CCBE1: variants seen among roughly 807,000 people sequenced by gnomAD.
CCBE1 encodes collagen and calcium-binding EGF domain-containing protein 1.
A neutral mutation model predicts 50.0 loss-of-function variants in CCBE1; 37 were observed. The ratio of observed to expected loss-of-function variants is 0.74; its 90% CI spans 0.57 to 0.97. CCBE1 has a LOEUF of 0.97. CCBE1 is among the 50% of genes least tolerant of loss of function. The probability of loss-of-function intolerance (pLI) is 0.00; values close to 1 mark genes in which losing one functional copy is unlikely to be tolerated. For missense variants in CCBE1, 538 were observed against 523.8 expected, an observed-to-expected ratio of 1.03 and a Z score of -0.26; for synonymous variants, 234 against 203.7, an observed-to-expected ratio of 1.15 and a Z score of -1.27.
intron 2 of CCBE1, among the ~76,000 whole-genome samples, chr18:59,650,523 C>T (rs1428305418): frequency 6.6e-6 from 1 of 151,642 alleles, no homozygotes; most frequent in Non-Finnish European, 1.5e-5. Context: ...GCGGGATAAT[C>T]GTTTCAGAGA....
rs2054821455 is a variant in CCBE1, at chr18:59,697,237, T to C, written c.106A>G (p.Arg36Gly). The change falls in exon 1 of 11, where the codon AGA becomes GGA. Residue 36 changes from arginine to glycine, a missense_variant. Transcript: ENST00000439986. ...LLALGHTWTY[R>G]EEPEDGDREI... ...CTGTCGCCGTCCTCCGGCTCCTCTC[T>C]GTAGGTCCACGTGTGTCCCAACGCC... The C allele has an allele frequency of 6.5e-7, 1 of 1,549,188 alleles. No individual in the cohort carries two copies. The highest frequency in any genetic ancestry group is 2.0e-5 in the Admixed American group (1 of 51,004).
chr18:59,433,891 CTTTTTTTTTTTTTTTTT>C lies in CCBE1; in HGVS notation c.*2000_*2016del, dbSNP rs373652074. 3 of 70,064 alleles carry C rather than the reference CTTTTTTTTTTTTTTTTT, an allele frequency of 4.3e-5. No individual in the cohort carries two copies. The highest frequency in any genetic ancestry group is 7.4e-5 in the Non-Finnish European group (3 of 40,544). 4.3% of individuals were successfully genotyped at this position (70,064 alleles called of 1,614,324 possible). ...ACAGGCATGAGCCACCAAGCCCGGCCTTTTTTTTTTTTTTTTTTTTTTTTTAATGAGACAGAGTCTCC... is the reference window on the plus strand; with the variant it reads ...ACAGGCATGAGCCACCAAGCCCGGCCTTTTTTTTAATGAGACAGAGTCTCC... On this transcript the variant is annotated 3_prime_UTR_variant, in exon 11 of 11. Transcript: ENST00000439986.
intron 2 of CCBE1, among the ~76,000 whole-genome samples, chr18:59,549,019 C>T (rs1915816267): frequency 6.7e-6 from 1 of 149,616 alleles, no homozygotes; most frequent in East Asian, 2.0e-4. Flanking sequence ...AGGAGAATCA[C>T]TTGAACCTGG....
At chr18:59,526,241 A>G (rs1373258937) in intron 2 of CCBE1, among the ~76,000 whole-genome samples, 1 of 150,072 alleles carries the variant, frequency 6.7e-6, no homozygotes, top group Non-Finnish European at 1.5e-5. Context: ...GTCTTCTGCT[A>G]GCTTTGGGGT....
chr18:59,622,507 GAAA>G (rs34431958), intron 2 of CCBE1, among the ~76,000 whole-genome samples: 1 of 131,850 alleles, frequency 7.6e-6, no homozygotes. Context: ...TCATCTTAAA[GAAA>G]AAAAAAAAAA....
intron 2 of CCBE1, among the ~76,000 whole-genome samples, chr18:59,689,017 C>T (rs1396383898): frequency 6.6e-6 from 1 of 152,174 alleles, no homozygotes; most frequent in African/African-American, 2.4e-5. Flanking sequence ...ATATCTGGGA[C>T]TTTGGGGGCC....
At chr18:59,608,923 T>A (rs1019892366) in intron 2 of CCBE1, among the ~76,000 whole-genome samples, 4 of 152,238 alleles carry the variant, frequency 2.6e-5, no homozygotes, top group African/African-American at 9.6e-5. Context: ...TCTTTGCTCA[T>A]CCATAATCTG....
intron 2 of CCBE1, among the ~76,000 whole-genome samples, chr18:59,660,399 G>T (rs923983898): frequency 2.0e-5 from 3 of 151,956 alleles, no homozygotes; most frequent in Non-Finnish European, 4.4e-5. Flanking sequence ...GTCTTGCTTA[G>T]CAAGGCAAAA....
intron 2 of CCBE1, among the ~76,000 whole-genome samples, chr18:59,553,417 C>T (rs753710321): frequency 2.0e-5 from 3 of 152,182 alleles, no homozygotes; most frequent in Non-Finnish European, 2.9e-5. Flanking sequence ...ACACACACAA[C>T]CATTGAACTG....
intron 9 of CCBE1, among the ~76,000 whole-genome samples, chr18:59,438,986 C>A (rs1910286321): frequency 6.6e-6 from 1 of 152,010 alleles, no homozygotes; most frequent in African/African-American, 2.4e-5. Flanking sequence ...CCCGTCTCTA[C>A]TAAAAAATCC....
At chr18:59,494,156 C>T (rs1024900976) in intron 2 of CCBE1, among the ~76,000 whole-genome samples, 2 of 152,206 alleles carry the variant, frequency 1.3e-5, no homozygotes, top group African/African-American at 4.8e-5. Context: ...AATGTGTCCT[C>T]TCAGTACAGA....
chr18:59,673,702 T>C (rs951559529), intron 2 of CCBE1, among the ~76,000 whole-genome samples: 1 of 152,180 alleles, frequency 6.6e-6, no homozygotes, highest in African/African-American at 2.4e-5. Flanking sequence ...GAGATAATAA[T>C]GTGGTTTTTG....
At chr18:59,623,536 C>A (rs967648583) in intron 2 of CCBE1, among the ~76,000 whole-genome samples, 1 of 152,200 alleles carries the variant, frequency 6.6e-6, no homozygotes, top group Non-Finnish European at 1.5e-5. Context: ...GGATAGGATG[C>A]CTTCCTGGGT....
intron 2 of CCBE1, among the ~76,000 whole-genome samples, chr18:59,692,354 C>G (rs1290157771): frequency 6.6e-6 from 1 of 152,200 alleles, no homozygotes; most frequent in Non-Finnish European, 1.5e-5. Flanking sequence ...GCTCATTTTA[C>G]AGATGAGAAA....
At chr18:59,565,215 G>A (rs925679038) in intron 2 of CCBE1, among the ~76,000 whole-genome samples, 1 of 118,214 alleles carries the variant, frequency 8.5e-6, no homozygotes, top group African/African-American at 4.5e-5. Context: ...GAGGAGGGAG[G>A]GAGGAAGGGG....
At chr18:59,695,655 A>G (rs1255564961) in intron 2 of CCBE1, among the ~76,000 whole-genome samples, 3 of 152,216 alleles carry the variant, frequency 2.0e-5, no homozygotes, top group Non-Finnish European at 4.4e-5. Context: ...ATTGATTCAC[A>G]GGCTACAACC....
Position 59,504,363 on chromosome 18 carries a change from A to C in CCBE1, c.213-24125T>G, listed in dbSNP as rs190194166. Among the ~76,000 whole-genome samples the C allele has an allele frequency of 2.4e-3, 361 of 149,680 alleles. 1 individual carries two copies. Among genetic ancestry groups the C allele is most frequent in the Non-Finnish European group, 4.2e-3 (285 of 67,754 alleles). Reference sequence around the variant, plus strand: ...AAGATTTACTATTATTGTTAGTAGTATCTGATCCTAGAATGTCTTCCTTTT... The same window carrying C: ...AAGATTTACTATTATTGTTAGTAGTCTCTGATCCTAGAATGTCTTCCTTTT... On this transcript the variant is annotated intron_variant, in intron 2 of 10. Coordinates refer to ENST00000439986, the MANE Select transcript of CCBE1 (RefSeq NM_133459.4).
At chr18:59,552,114 C>T (rs1158393446) in intron 2 of CCBE1, among the ~76,000 whole-genome samples, 1 of 152,196 alleles carries the variant, frequency 6.6e-6, no homozygotes, top group Admixed American at 6.5e-5. Context: ...CTCCATGGGC[C>T]TCTCATCACT....
intron 2 of CCBE1, among the ~76,000 whole-genome samples, chr18:59,691,646 T>C (rs3114276): frequency 0.72 from 109,278 of 151,968 alleles, 39,639 homozygotes; most frequent in Admixed American, 0.79. Context: ...CCTCGTGATC[T>C]GCCTGCCTTG....
Sources: allele counts gnomAD v4.1 joint callset (sites outside exome capture counted in the v4.1 genomes callset), GRCh38; gene constraint gnomAD v4.1.1; transcripts MANE v1.5; gene names NCBI Gene and HGNC (gene_info 2026-07-23, HGNC 2026-07-21).